The following HEATR5B variants were observed in gnomAD, a reference collection of about 807,000 sequenced individuals.
HEATR5B encodes the protein HEAT repeat-containing protein 5B.
In HEATR5B, 156 loss-of-function variants were observed where a neutral mutation model predicts 224.1. The observed-to-expected ratio is 0.70, with a 90% confidence interval of 0.61 to 0.80. The LOEUF (loss-of-function observed/expected upper bound fraction) is 0.80. Ranked by LOEUF, HEATR5B falls within the 30% of genes least tolerant of loss-of-function variation. The probability of loss-of-function intolerance (pLI) is 0.00; values close to 1 mark genes in which losing one functional copy is unlikely to be tolerated. For missense variants in HEATR5B, 2,323 were observed against 2,535.5 expected (o/e 0.92, Z 1.80); for synonymous variants, 1,027 against 893.0 (o/e 1.15, Z -2.68).
At position 37,075,583 on chromosome 2, in the gene HEATR5B, G is replaced by A. The variant is rs368714882; in HGVS notation, c.499C>T (p.Leu167=). 1.2e-6 allele frequency: 2 copies of A among 1,613,292 alleles called. No homozygotes were observed. The highest frequency in any genetic ancestry group is 2.7e-5 in the African/African-American group (2 of 74,880). Residue 167 remains leucine, a synonymous_variant, in exon 5 of 36, where the codon CTG becomes TTG. Transcript: ENST00000233099. The part of the protein sequence containing the change: ...LMSLQKVLSG[L]GGAAASSHRD... ...TGGGAGGAAGCTGCTGCACCACCCA[G>A]TCCACTTAGAACTTTCTGTAGACTC...
intron 5 of HEATR5B, among the ~76,000 whole-genome samples, chr2:37,074,072 A>G (rs1255758380): frequency 6.6e-6 from 1 of 152,184 alleles, no homozygotes; most frequent in East Asian, 1.9e-4. Flanking sequence ...CTGTAATCCC[A>G]GTAGTTTGGG....
chr2:36,985,295 G>A (rs566687080), intron 35 of HEATR5B, among the ~76,000 whole-genome samples: 15 of 152,034 alleles, frequency 9.9e-5, no homozygotes, highest in African/African-American at 2.9e-4. Flanking sequence ...GTGTGCCTTT[G>A]GTTTTTTATG....
chr2:37,062,225 A>C (rs1671325810), intron 10 of HEATR5B, among the ~76,000 whole-genome samples, 175 bp from the exon 11 acceptor site: 1 of 152,090 alleles, frequency 6.6e-6, no homozygotes, highest in Non-Finnish European at 1.5e-5. Context: ...TCAGGAGTTC[A>C]AAACCAGCCT....
At chr2:37,020,334 C>T (rs1210105168) in intron 25 of HEATR5B, among the ~76,000 whole-genome samples, 2 of 152,232 alleles carry the variant, frequency 1.3e-5, no homozygotes, top group East Asian at 3.8e-4. Flanking sequence ...AAATCCACAA[C>T]ACTCTTTTGA....
chr2:37,041,905 A>G (rs917798701), intron 18 of HEATR5B, among the ~76,000 whole-genome samples: 7 of 151,994 alleles, frequency 4.6e-5, no homozygotes, highest in African/African-American at 1.7e-4. Context: ...ATATTTTTAA[A>G]AAACAAAATA....
At chr2:37,079,593 T>C (rs1318249456) in intron 2 of HEATR5B, among the ~76,000 whole-genome samples, 2 of 152,170 alleles carry the variant, frequency 1.3e-5, no homozygotes, top group Non-Finnish European at 2.9e-5. Context: ...CAAAAAGTTA[T>C]GAGACCAACT....
In HEATR5B at chr2:37,066,365, G is replaced by T. The variant is rs139699027; in HGVS notation, c.1178-455C>A. On this transcript the variant is annotated intron_variant, in intron 8 of 35. Coordinates refer to ENST00000233099, the MANE Select transcript of HEATR5B (RefSeq NM_019024.3). ...TGATTAAAAAGTCAGTGCATATAAA[G>T]AATTTAACACAATGCTGCCCATAAT... Among the ~76,000 whole-genome samples the T allele has an allele frequency of 2.7e-4, 41 of 152,126 alleles. 1 individual carries two copies. The highest frequency in any genetic ancestry group is 9.9e-4 in the African/African-American group (41 of 41,422).
At chr2:36,999,782 G>C (rs1320329909) in intron 33 of HEATR5B, among the ~76,000 whole-genome samples, 1 of 151,874 alleles carries the variant, frequency 6.6e-6, no homozygotes, top group Non-Finnish European at 1.5e-5. Context: ...GGGAGGCCAA[G>C]GCAGGCAGAT....
chr2:37,032,386 C>G (rs1048065564), intron 22 of HEATR5B, among the ~76,000 whole-genome samples: 1 of 152,146 alleles, frequency 6.6e-6, no homozygotes, highest in Non-Finnish European at 1.5e-5. Flanking sequence ...CCACCTCAGC[C>G]TCCTGAGTAG....
chr2:36,995,910 G>C (rs1666669192), intron 33 of HEATR5B, among the ~76,000 whole-genome samples: 1 of 152,102 alleles, frequency 6.6e-6, no homozygotes, highest in Non-Finnish European at 1.5e-5. Context: ...TTTGGAGACA[G>C]GGTCTTGCTT....
At chr2:37,005,514 G>T in intron 30 of HEATR5B, 118 bp downstream of exon 30, 1 of 873,984 alleles carries the variant, frequency 1.1e-6, no homozygotes, top group Non-Finnish European at 1.8e-6. Flanking sequence ...GGGAGTCAGT[G>T]TATTCATATC....
chr2:37,046,296 A>C (rs1295747343), intron 18 of HEATR5B, among the ~76,000 whole-genome samples: 1 of 152,186 alleles, frequency 6.6e-6, no homozygotes, highest in East Asian at 1.9e-4. Flanking sequence ...AACTTTATTA[A>C]AACTCTTAAT....
At chr2:37,081,766 G>T (rs1672584680) in intron 2 of HEATR5B, among the ~76,000 whole-genome samples, 1 of 152,152 alleles carries the variant, frequency 6.6e-6, no homozygotes. Context: ...CTGAAAATGG[G>T]GAGATGCAGT....
At chr2:36,987,420 CAAA>C (rs369088419) in intron 35 of HEATR5B, among the ~76,000 whole-genome samples, 2 of 113,008 alleles carry the variant, frequency 1.8e-5, no homozygotes, top group African/African-American at 3.1e-5. Context: ...GACTTTGTTT[CAAA>C]AAAAAAAAAA....
intron 22 of HEATR5B, among the ~76,000 whole-genome samples, 179 bp from the exon 23 acceptor site, chr2:37,029,099 C>CA (rs1668959031): frequency 6.6e-6 from 1 of 152,016 alleles, no homozygotes; most frequent in Non-Finnish European, 1.5e-5. Flanking sequence ...TTTAATCTGG[C>CA]AATTAGAGTA....
chr2:37,055,384 T>C (rs1670843555), intron 16 of HEATR5B, among the ~76,000 whole-genome samples: 18 of 152,198 alleles, frequency 1.2e-4, no homozygotes, highest in Admixed American at 1.2e-3. Context: ...ATTTCAGTTA[T>C]AGCTTTCATA....
chr2:37,018,876 T>C (rs1393597676), intron 26 of HEATR5B, among the ~76,000 whole-genome samples: 1 of 152,130 alleles, frequency 6.6e-6, no homozygotes, highest in Non-Finnish European at 1.5e-5. Context: ...TATGCATTTT[T>C]TGGGGCAGGG....
intron 7 of HEATR5B, among the ~76,000 whole-genome samples, chr2:37,069,614 C>G (rs1671785942): frequency 6.6e-6 from 1 of 152,134 alleles, no homozygotes; most frequent in African/African-American, 2.4e-5. Flanking sequence ...TACCTGAATA[C>G]AGTTTCAATG....
chr2:37,038,263 T>C (rs1669638008), intron 20 of HEATR5B, among the ~76,000 whole-genome samples: 2 of 151,880 alleles, frequency 1.3e-5, no homozygotes, highest in African/African-American at 4.8e-5. Context: ...CCTCAGCCTC[T>C]GGAGTAGCTG....
Sources: gnomAD v4.1 joint callset for allele counts (sites outside exome capture counted in the v4.1 genomes callset) on GRCh38, gnomAD v4.1.1 for gene constraint, MANE v1.5 for transcripts, NCBI Gene and HGNC (gene_info 2026-07-23, HGNC 2026-07-21) for gene names.